JHY: variants seen among roughly 807,000 people sequenced by gnomAD.
JHY encodes the protein junctional cadherin complex regulator.
In JHY, 69 loss-of-function variants were observed where a neutral mutation model predicts 78.0. The ratio of observed to expected loss-of-function variants is 0.88; its 90% CI spans 0.73 to 1.08. The LOEUF (loss-of-function observed/expected upper bound fraction) is 1.08. JHY is among the 50% of genes least tolerant of loss of function. JHY has a pLI of 0.00. For missense variants in JHY, 944 were observed against 927.8 expected (o/e 1.02, Z -0.23); for synonymous variants, 368 against 342.6 (o/e 1.07, Z -0.82).
chr11:122,907,487 G>C (rs1306744609), intron 3 of JHY, among the ~76,000 whole-genome samples: 3 of 152,070 alleles, frequency 2.0e-5, no homozygotes, highest in Admixed American at 6.6e-5. Flanking sequence ...TGGGGGGAAT[G>C]GCATTTCTAG....
chr11:122,945,829 G>T (rs1159359334), intron 5 of JHY, among the ~76,000 whole-genome samples: 1 of 152,110 alleles, frequency 6.6e-6, no homozygotes, highest in Non-Finnish European at 1.5e-5. Context: ...AGAGAGTGGG[G>T]GTTGTTTTTC....
chr11:122,931,319 A>C (rs781407077), intron 4 of JHY, among the ~76,000 whole-genome samples: 5 of 152,218 alleles, frequency 3.3e-5, no homozygotes, highest in African/African-American at 7.2e-5. Context: ...AGGCAAAGAA[A>C]AGGTAATGAT....
intron 1 of JHY, among the ~76,000 whole-genome samples, chr11:122,884,967 T>G (rs1000261938): frequency 7.0e-6 from 1 of 142,062 alleles, no homozygotes; most frequent in African/African-American, 2.7e-5. Flanking sequence ...GCCCACTAAT[T>G]TTTTGTATTT....
intron 6 of JHY, among the ~76,000 whole-genome samples, chr11:122,949,283 A>G (rs1017562025): frequency 2.0e-5 from 3 of 152,096 alleles, no homozygotes; most frequent in Non-Finnish European, 4.4e-5. Context: ...TTTTCCATTC[A>G]AAGAAGTACT....
chr11:122,891,889 C>T (rs973255313), intron 2 of JHY, among the ~76,000 whole-genome samples: 3 of 152,126 alleles, frequency 2.0e-5, no homozygotes, highest in African/African-American at 7.2e-5. Flanking sequence ...AAGGATTGAG[C>T]TGATAGAGGA....
In JHY at chr11:122,883,314, A is replaced by G. The variant is rs1244500703; in HGVS notation, c.-90+342A>G. On this transcript the variant is annotated intron_variant, in intron 1 of 8. Transcript: ENST00000227349. The surrounding 1 kb of genome is among the most constrained non-coding windows in gnomAD (Gnocchi z 4.4). ...GTTCCTCAGGAACAAGCAAAGGTAG[A>G]AAACCGAACGCCTCCCCTGGGCAGC... 2.0e-5 allele frequency among the ~76,000 whole-genome samples: 3 copies of G among 152,164 alleles called. No homozygotes were observed. The highest frequency in any genetic ancestry group is 6.5e-5 in the Admixed American group (1 of 15,282).
In JHY at chr11:122,959,536, G is replaced by A. The variant is rs1355522352; in HGVS notation, c.*91G>A. The A allele has an allele frequency of 2.5e-6, 3 of 1,220,132 alleles. No homozygotes were observed. The highest frequency in any genetic ancestry group is 3.1e-5 in the African/African-American group (2 of 65,100). 75.6% of individuals were successfully genotyped at this position (1,220,132 alleles called of 1,614,324 possible). Reference sequence around the variant, plus strand: ...CCACCTTCTCTGCGTTGAGAGTAATGGCCTATTATTATCATCTATCTGCCG... The same window carrying A: ...CCACCTTCTCTGCGTTGAGAGTAATAGCCTATTATTATCATCTATCTGCCG... On this transcript the variant is annotated 3_prime_UTR_variant, in exon 9 of 9. Coordinates refer to ENST00000227349, the MANE Select transcript of JHY (RefSeq NM_024806.4).
rs1403365751 is a variant in JHY, at chr11:122,886,167, T to A, written c.318T>A (p.His106Gln). 6.2e-7 allele frequency: 1 copy of A among 1,612,536 alleles called. No homozygotes were observed. Among genetic ancestry groups the A allele is most frequent in the Non-Finnish European group, 8.5e-7 (1 of 1,178,970 alleles). Residue 106 changes from histidine (H) to glutamine (Q), a missense_variant, in exon 2 of 9, where the codon CAT becomes CAA. His to Gln is a conservative substitution (Grantham distance 24). Coordinates refer to ENST00000227349, the MANE Select transcript of JHY (RefSeq NM_024806.4). Reference protein sequence around the residue: ...AAQMAREQNHHTWDQGANNRQ... With the variant: ...AAQMAREQNHQTWDQGANNRQ... ...AGATGGCTCGCGAGCAAAACCACCA[T>A]ACCTGGGACCAGGGCGCCAATAACA...
At position 122,963,641 on chromosome 11, in the gene JHY, A is replaced by G. The variant is rs757616254; in HGVS notation, c.*4196A>G. Among the ~76,000 whole-genome samples the G allele has an allele frequency of 1.3e-5, 2 of 152,212 alleles. No individual in the cohort carries two copies. Among genetic ancestry groups the G allele is most frequent in the African/African-American group, 4.8e-5 (2 of 41,470 alleles). On this transcript the variant is annotated 3_prime_UTR_variant, in exon 9 of 9. Transcript: ENST00000227349. ...CTAATGACAACAATAGTGATCTTTT[A>G]TAGGCCCAAGTTGGATCAGTGATCA...
chr11:122,942,982 C>T (rs1240285131), intron 5 of JHY, among the ~76,000 whole-genome samples: 1 of 152,166 alleles, frequency 6.6e-6, no homozygotes, highest in Non-Finnish European at 1.5e-5. Context: ...TCAAGTGATG[C>T]TCCCACCTCA....
At position 122,962,171 on chromosome 11, in the gene JHY, T is replaced by A. The variant is rs1195850925; in HGVS notation, c.*2726T>A. Among the ~76,000 whole-genome samples, 2 of 152,178 alleles carry A rather than the reference T, an allele frequency of 1.3e-5. No homozygotes were observed. The highest frequency in any genetic ancestry group is 2.9e-5 in the Non-Finnish European group (2 of 68,028). On this transcript the variant is annotated 3_prime_UTR_variant, in exon 9 of 9. Transcript: ENST00000227349. ...CAGTCTTAAAATCATTACTGGAGAG[T>A]TTAATTTTCTACTTCCTTCCTTATA...
rs557037267 is a variant in JHY at position 122,933,670 on chromosome 11, T to C, written c.979-750T>C. Among the ~76,000 whole-genome samples, 7 of 152,316 alleles carry C rather than the reference T, an allele frequency of 4.6e-5. No individual in the cohort carries two copies. In the East Asian group the frequency reaches 1.2e-3, roughly 25 times the overall value. The stretch of plus-strand genomic sequence containing the variant: ...GATGTCCTATCACAGCACAGGCTCT[T>C]TTATAATCCTCTGAATAAAATCTAA... On this transcript the variant is annotated intron_variant, in intron 4 of 8. Transcript: ENST00000227349.
At chr11:122,944,031 C>A (rs1409852512) in intron 5 of JHY, among the ~76,000 whole-genome samples, 1 of 152,028 alleles carries the variant, frequency 6.6e-6, no homozygotes. Context: ...CATGGCAAAA[C>A]CCTGTCTCTA....
chr11:122,921,953 C>T (rs1437223297), intron 3 of JHY, among the ~76,000 whole-genome samples: 3 of 152,014 alleles, frequency 2.0e-5, no homozygotes, highest in African/African-American at 7.2e-5. Flanking sequence ...TGCGCTCCAG[C>T]CTGGACCACA....
chr11:122,914,718 CA>C (rs1206200487), intron 3 of JHY, among the ~76,000 whole-genome samples: 1 of 152,120 alleles, frequency 6.6e-6, no homozygotes, highest in Non-Finnish European at 1.5e-5. Context: ...GCTTGGATTA[CA>C]GGTGTGAGCC....
At chr11:122,912,563 C>T (rs768340502) in intron 3 of JHY, among the ~76,000 whole-genome samples, 5 of 152,144 alleles carry the variant, frequency 3.3e-5, no homozygotes, top group African/African-American at 9.6e-5. Flanking sequence ...CGTATTAGCT[C>T]AACCTCGTCT....
At chr11:122,901,733 C>G (rs1347485628) in intron 2 of JHY, among the ~76,000 whole-genome samples, 2 of 151,822 alleles carry the variant, frequency 1.3e-5, no homozygotes, top group African/African-American at 2.4e-5. Context: ...ATTAGCCAGG[C>G]GCGGTGGCAG....
intron 3 of JHY, chr11:122,905,637 G>A: frequency 1.0e-6 from 1 of 968,514 alleles, no homozygotes; most frequent in Non-Finnish European, 1.2e-6. Flanking sequence ...GGAGGTCGAG[G>A]TGGGAGGATC....
In JHY at chr11:122,922,809, C is replaced by CAA. The variant is rs571482464; in HGVS notation, c.865-2062_865-2061dup. On this transcript the variant is annotated intron_variant, in intron 3 of 8. Coordinates refer to ENST00000227349, the MANE Select transcript of JHY (RefSeq NM_024806.4). ...TGGGCAACAGAGCGAGACTCCGTCT[C>CAA]AAAAAAAAAAAAAAAAAAAAAAAAA... Among the ~76,000 whole-genome samples the CAA allele has an allele frequency of 2.4e-3, 108 of 44,322 alleles. 7 individuals carry two copies. Among genetic ancestry groups the CAA allele is most frequent in the South Asian group, 9.4e-3 (14 of 1,486 alleles). 29.1% of individuals were successfully genotyped at this position (44,322 alleles called of 152,430 possible). A position where few individuals can be genotyped will look rare whatever the true frequency, so the allele number is the denominator to read the frequency against.
Sources: allele counts gnomAD v4.1 joint callset (sites outside exome capture counted in the v4.1 genomes callset), GRCh38; gene constraint gnomAD v4.1.1; non-coding constraint Gnocchi (gnomAD v3.1); transcripts MANE v1.5; gene names NCBI Gene and HGNC (gene_info 2026-07-23, HGNC 2026-07-21).